Variants in SMG1 observed in about 807,000 individuals in gnomAD.
SMG1 encodes the protein SMG1 nonsense mediated mRNA decay associated PI3K related kinase, also known as serine/threonine-protein kinase SMG1.
Under a neutral mutation model 419.9 loss-of-function variants are expected in SMG1, and 22 were observed. The observed-to-expected ratio is 0.05, with a 90% CI of 0.04 to 0.07. The LOEUF (loss-of-function observed/expected upper bound fraction) is 0.07. SMG1 is among the 10% of genes least tolerant of loss of function. The pLI is 1.00. For synonymous variants in SMG1, 1,538 were observed against 1,553.5 expected (o/e 0.99, Z 0.23); for missense variants, 3,185 against 4,342.0 (o/e 0.73, Z 7.49).
chr16:18,888,997 TG>T (rs1379808650), intron 6 of SMG1, among the ~76,000 whole-genome samples: 1 of 151,740 alleles, frequency 6.6e-6, no homozygotes, highest in African/African-American at 2.4e-5. Flanking sequence ...TAATTTTTTT[TG>T]TATTTTTAGT....
intron 10 of SMG1, among the ~76,000 whole-genome samples, chr16:18,880,451 A>T (rs117093935): frequency 0.01 from 1,554 of 152,294 alleles, 12 homozygotes; most frequent in Non-Finnish European, 0.016. Context: ...AGTGACTCAT[A>T]TCTATCATCC....
At chr16:18,841,476 A>G in intron 41 of SMG1, 89 bp downstream of exon 41, 1 of 1,231,038 alleles carries the variant, frequency 8.1e-7, no homozygotes, top group Non-Finnish European at 1.2e-6. Context: ...AACTGCTTAT[A>G]AACATGCAAA....
At chr16:18,839,287 A>G (rs1051807925) in intron 42 of SMG1, among the ~76,000 whole-genome samples, 1 of 152,078 alleles carries the variant, frequency 6.6e-6, no homozygotes, top group African/African-American at 2.4e-5. Context: ...TTATTCTGTC[A>G]CCCAGGTAAT....
rs1031432390 is a variant in SMG1, at chr16:18,868,727, C to A, written c.2834-8G>T. 3.1e-6 allele frequency: 3 copies of A among 955,542 alleles called. No individual in the cohort carries two copies. In the African/African-American group the frequency reaches 4.9e-5, roughly 16 times the overall value. 59.2% of individuals were successfully genotyped at this position (955,542 alleles called of 1,614,324 possible). Reference sequence around the variant, plus strand: ...CGAGACTTCGAATGATACCTGAAAGCAAAGACAACATTCTGAATTTTTAAA... The same window carrying A: ...CGAGACTTCGAATGATACCTGAAAGAAAAGACAACATTCTGAATTTTTAAA... On this transcript the variant is annotated splice_region_variant and splice_polypyrimidine_tract_variant and intron_variant, in intron 20 of 62. Transcript: ENST00000446231.
rs1336967598 is a variant in SMG1, at chr16:18,815,639, C to A, written c.10315G>T (p.Ala3439Ser). 6.2e-7 allele frequency: 1 copy of A among 1,613,534 alleles called. No individual in the cohort carries two copies. The highest frequency in any genetic ancestry group is 1.3e-5 in the African/African-American group (1 of 74,916). Residue 3439 changes from alanine (A) to serine (S), a missense_variant, in exon 59 of 63, where the codon GCT becomes TCT. Coordinates refer to ENST00000446231, the MANE Select transcript of SMG1 (RefSeq NM_015092.5). ...GGAACATCTTCACCATCTGCCAGAG[C>A]AGCTTCTTCATCCTAGAATTGATAA... Reference protein sequence around the residue: ...LKAMAKDEEAALADGEDVPYE... With the variant: ...LKAMAKDEEASLADGEDVPYE...
chr16:18,897,314 TAATAAG>T (rs2037171353), intron 1 of SMG1, among the ~76,000 whole-genome samples: 1 of 152,186 alleles, frequency 6.6e-6, no homozygotes, highest in African/African-American at 2.4e-5. Context: ...CATGACTTGA[TAATAAG>T]AATAATTCTT....
chr16:18,896,924 A>G lies in SMG1; in HGVS notation c.125T>C (p.Leu42Ser), dbSNP rs774274084. The change falls in exon 2 of 63, where the codon TTA becomes TCA. Residue 42 changes from leucine to serine, a missense_variant. Physicochemically the swap from Leu to Ser is moderately radical, Grantham distance 145 (BLOSUM62 -2). Coordinates refer to ENST00000446231, the MANE Select transcript of SMG1 (RefSeq NM_015092.5). ...TDSASADPDNLKYSSSRDRGG... is the reference protein window; with the variant it reads ...TDSASADPDNSKYSSSRDRGG... ...TCTATCTCTGGATGAAGAATATTTT[A>G]AATTATCTGGGTCGGCTGATGCACT... 1.7e-5 allele frequency: 27 copies of G among 1,589,990 alleles called. No homozygotes were observed. In the East Asian group the frequency reaches 5.8e-4, roughly 34 times the overall value.
intron 19 of SMG1, among the ~76,000 whole-genome samples, chr16:18,869,546 T>C (rs998023883): frequency 6.6e-6 from 1 of 151,948 alleles, no homozygotes; most frequent in South Asian, 2.1e-4. Flanking sequence ...GGAATGAAAC[T>C]CACTCAATTC....
intron 55 of SMG1, 89 bp downstream of exon 55, chr16:18,827,942 G>T: frequency 7.2e-7 from 1 of 1,384,856 alleles, no homozygotes; most frequent in Non-Finnish European, 9.8e-7. Context: ...CACACAAATA[G>T]ACACACTGAA....
intron 20 of SMG1, 126 bp downstream of exon 20, chr16:18,868,978 A>G (rs2035667166): frequency 1.2e-6 from 1 of 827,676 alleles, no homozygotes; most frequent in Non-Finnish European, 1.9e-6. Flanking sequence ...TAACAAACAT[A>G]CCTGAAAATT....
chr16:18,814,198 T>A (rs1181138907), intron 60 of SMG1, among the ~76,000 whole-genome samples: 1 of 151,914 alleles, frequency 6.6e-6, no homozygotes, highest in East Asian at 1.9e-4. Flanking sequence ...ATTTGCATAA[T>A]CATCCCAATG....
At chr16:18,925,709 C>G (rs2038369194) in intron 1 of SMG1, 1 of 404,196 alleles carries the variant, frequency 2.5e-6, no homozygotes. Flanking sequence ...CCAGTGCCAC[C>G]GCCGGGAGCC....
intron 1 of SMG1, among the ~76,000 whole-genome samples, chr16:18,922,714 G>A (rs954214015): frequency 1.7e-4 from 26 of 152,160 alleles, no homozygotes; most frequent in African/African-American, 4.8e-4. Flanking sequence ...TCCTGACCTC[G>A]GGTGATCCAC....
At chr16:18,839,300 A>G (rs569578506) in intron 42 of SMG1, among the ~76,000 whole-genome samples, 3 of 152,266 alleles carry the variant, frequency 2.0e-5, no homozygotes, top group East Asian at 3.9e-4. Context: ...CAGGTAATGA[A>G]CATAGTATCC....
At chr16:18,867,577 A>G (rs1483009000) in intron 22 of SMG1, among the ~76,000 whole-genome samples, 1 of 150,546 alleles carries the variant, frequency 6.6e-6, no homozygotes, top group African/African-American at 2.5e-5. Context: ...AATTTATCCC[A>G]TAAACAAATT....
intron 1 of SMG1, among the ~76,000 whole-genome samples, chr16:18,907,307 C>T (rs2037601676): frequency 1.3e-5 from 2 of 151,978 alleles, no homozygotes; most frequent in Non-Finnish European, 2.9e-5. Context: ...TTTATGCCAA[C>T]TAATTGTACA....
At chr16:18,812,591 T>C (rs1340595007) in intron 60 of SMG1, among the ~76,000 whole-genome samples, 1 of 145,510 alleles carries the variant, frequency 6.9e-6, no homozygotes, top group Non-Finnish European at 1.5e-5. Flanking sequence ...TATATATACA[T>C]ATATATACAC....
Position 18,817,455 on chromosome 16 carries a change from T to C in SMG1, c.9910A>G (p.Ser3304Gly), listed in dbSNP as rs1347795574. Residue 3304 changes from serine to glycine, a missense_variant, in exon 57 of 63, where the codon AGC becomes GGC. By Grantham distance (56) the Ser-to-Gly change is moderately conservative (BLOSUM62 0). Coordinates refer to ENST00000446231, the MANE Select transcript of SMG1 (RefSeq NM_015092.5). ...AAACTTTCAAAATGAATGATATTGC[T>C]GCAGAGAAATGTGACCTGTAAAGAC... ...QRASQVTFLC[S>G]NIIHFESLRT... 6.3e-7 allele frequency: 1 copy of C among 1,575,774 alleles called. No homozygotes were observed. The highest frequency in any genetic ancestry group is 8.6e-7 in the Non-Finnish European group (1 of 1,159,296).
chr16:18,889,027 T>C (rs1484198882), intron 6 of SMG1, among the ~76,000 whole-genome samples: 1 of 151,716 alleles, frequency 6.6e-6, no homozygotes, highest in Non-Finnish European at 1.5e-5. Flanking sequence ...GGTTTCACTA[T>C]GTTAGCCAGG....
Sources: allele counts gnomAD v4.1 joint callset (sites outside exome capture counted in the v4.1 genomes callset), GRCh38; gene constraint gnomAD v4.1.1; transcripts MANE v1.5; gene names NCBI Gene and HGNC (gene_info 2026-07-23, HGNC 2026-07-21).